The following PTGR3 variants were observed in gnomAD, a reference collection of about 807,000 sequenced individuals.
PTGR3 encodes zinc binding alcohol dehydrogenase domain containing 2.
At chr18:75,205,435 C>T in the PTGR3 span, 1 of 985,192 alleles carries the variant, frequency 1.0e-6, no homozygotes, top group Non-Finnish European at 1.2e-6. Flanking sequence ...AGTAATCCGA[C>T]GGGAGGATCC....
At chr18:75,201,248 A>G in the PTGR3 span, 1 of 600,450 alleles carries the variant, frequency 1.7e-6, no homozygotes. Flanking sequence ...TTTTCCCCCA[A>G]GGGAAGAGGA....
chr18:75,199,376 C>T, the PTGR3 span: 3 of 152,464 alleles, frequency 2.0e-5, no homozygotes, highest in South Asian at 6.2e-4. Context: ...GGAGAAAGTA[C>T]ATTACTGCTT....
the PTGR3 span, chr18:75,208,782 G>C: frequency 1.5e-6 from 2 of 1,304,378 alleles, no homozygotes; most frequent in East Asian, 6.5e-5. Flanking sequence ...GGGACTGCGG[G>C]AGCGGCGCGG....
chr18:75,201,884 G>A, the PTGR3 span: 17 of 1,614,158 alleles, frequency 1.1e-5, no homozygotes, highest in Non-Finnish European at 1.2e-5. Context: ...TTTTATAGTT[G>A]ATAGGACGAT....
the PTGR3 span, chr18:75,208,862 AG>A: frequency 6.6e-7 from 1 of 1,517,134 alleles, no homozygotes; most frequent in Non-Finnish European, 8.8e-7. Context: ...GTTCCGGACG[AG>A]GAGGTCTCCG....
chr18:75,202,323 G>A, the PTGR3 span: 1 of 1,606,386 alleles, frequency 6.2e-7, no homozygotes, highest in Non-Finnish European at 8.5e-7. Flanking sequence ...GATGTCAGAT[G>A]CGTTAACACC....
the PTGR3 span, among the ~76,000 whole-genome samples, chr18:75,204,613 C>T: frequency 2.0e-5 from 3 of 152,210 alleles, no homozygotes; most frequent in Non-Finnish European, 4.4e-5. Context: ...CCCTCAGCTC[C>T]AGCCGTGCAG....
the PTGR3 span, chr18:75,208,927 G>A: frequency 6.3e-7 from 1 of 1,585,112 alleles, no homozygotes; most frequent in Non-Finnish European, 8.6e-7. Flanking sequence ...CCTCGCGGAA[G>A]TTGGGGCTCA....
the PTGR3 span, chr18:75,196,229 G>A: frequency 6.6e-6 from 1 of 152,184 alleles, no homozygotes; most frequent in Admixed American, 6.5e-5. Context: ...CCACCTATGT[G>A]CAGGATGTTT....
the PTGR3 span, among the ~76,000 whole-genome samples, chr18:75,207,614 A>G: frequency 9.7e-6 from 1 of 102,900 alleles, no homozygotes; most frequent in Non-Finnish European, 2.0e-5. Flanking sequence ...CCAGCCCCCC[A>G]CCCCCGCCTC....
chr18:75,205,284 G>A, the PTGR3 span: 2 of 985,628 alleles, frequency 2.0e-6, no homozygotes, highest in Non-Finnish European at 2.4e-6. Context: ...GCTCGGGATG[G>A]GGAGCAGGGG....
chr18:75,201,407 G>C, the PTGR3 span: 5 of 1,596,280 alleles, frequency 3.1e-6, no homozygotes, highest in Non-Finnish European at 3.4e-6. Context: ...TTATGTCATT[G>C]TTCTGTTTTT....
the PTGR3 span, among the ~76,000 whole-genome samples, chr18:75,204,890 G>C: frequency 6.6e-6 from 1 of 152,182 alleles, no homozygotes; most frequent in Non-Finnish European, 1.5e-5. Flanking sequence ...CGCAGTGGCC[G>C]ACAGACAGGG....
chr18:75,208,213 G>A, the PTGR3 span: 1 of 689,108 alleles, frequency 1.5e-6, no homozygotes, highest in Non-Finnish European at 1.8e-6. Flanking sequence ...CCCTGGCCCA[G>A]CTGCCCGGGA....
chr18:75,196,974 AACT>A, the PTGR3 span: 2 of 152,222 alleles, frequency 1.3e-5, no homozygotes, highest in African/African-American at 4.8e-5. Context: ...TGTGAATATC[AACT>A]ACTACTAAGA....
chr18:75,207,500 A>G, the PTGR3 span, among the ~76,000 whole-genome samples: 1 of 152,124 alleles, frequency 6.6e-6, no homozygotes, highest in African/African-American at 2.4e-5. Context: ...TACTCTCAAC[A>G]GCACTGGCAT....
the PTGR3 span, chr18:75,200,380 T>C: frequency 1.3e-5 from 2 of 152,214 alleles, no homozygotes; most frequent in African/African-American, 4.8e-5. Context: ...GAATGCAGAA[T>C]GAGTGGCTGC....
At chr18:75,207,805 C>G in the PTGR3 span, among the ~76,000 whole-genome samples, 2 of 152,190 alleles carry the variant, frequency 1.3e-5, no homozygotes, top group Non-Finnish European at 2.9e-5. Context: ...TCAGTCCGTG[C>G]AAGGGACTTT....
At chr18:75,201,808 C>T in the PTGR3 span, 2 of 1,614,186 alleles carry the variant, frequency 1.2e-6, no homozygotes, top group Admixed American at 1.7e-5. Context: ...GCTCCCCCAA[C>T]AGATTCATAG....
Sources: gnomAD v4.1 joint callset for allele counts (sites outside exome capture counted in the v4.1 genomes callset) on GRCh38, gnomAD v4.1.1 for gene constraint, MANE v1.5 for transcripts, NCBI Gene and HGNC (gene_info 2026-07-23, HGNC 2026-07-21) for gene names.